Variants in EEFSEC observed in about 807,000 individuals in gnomAD.
EEFSEC encodes selenocysteine-specific elongation factor.
A neutral mutation model predicts 42.1 loss-of-function variants in EEFSEC; 43 were observed. The observed-to-expected ratio is 1.02, with a 90% CI of 0.80 to 1.32. The LOEUF (loss-of-function observed/expected upper bound fraction) is 1.32, where lower values mean the gene tolerates loss of function less well. Ranked by LOEUF, EEFSEC falls within the 40% of genes most tolerant of loss-of-function variation. The pLI is 0.00. For synonymous variants in EEFSEC, 354 were observed against 339.1 expected (o/e 1.04, Z -0.48); for missense variants, 745 against 803.6 (o/e 0.93, Z 0.88).
At chr3:128,193,301 G>C (rs2065546755) in intron 1 of EEFSEC, among the ~76,000 whole-genome samples, 1 of 152,208 alleles carries the variant, frequency 6.6e-6, no homozygotes, top group South Asian at 2.1e-4. Context: ...CTCCAGACCA[G>C]CCTCCAAGGG....
intron 6 of EEFSEC, among the ~76,000 whole-genome samples, chr3:128,392,250 A>G (rs1277550830): frequency 6.6e-6 from 1 of 152,192 alleles, no homozygotes; most frequent in African/African-American, 2.4e-5. Context: ...GACATTGCAG[A>G]TGCAGGTTCT....
chr3:128,207,566 T>TACACACACACACACACAC (rs10574435), intron 1 of EEFSEC, among the ~76,000 whole-genome samples: 2 of 142,490 alleles, frequency 1.4e-5, no homozygotes, highest in African/African-American at 5.3e-5. Context: ...ACACATTGCA[T>TACACACACACACACACAC]ACACACACAC....
chr3:128,264,750 T>TCGGTGA lies in EEFSEC; in HGVS notation c.757_762dup (p.Gly253_Asp254dup), dbSNP rs769621965. On this transcript the variant is annotated inframe_insertion, in exon 4 of 7. Coordinates refer to ENST00000254730, the MANE Select transcript of EEFSEC (RefSeq NM_021937.5). ...ACCATCCTTTCAGGCTCCATCAGCCTCGGTGACAGTGTGGAGATCCCTGCC... is the reference window on the plus strand; with the variant it reads ...ACCATCCTTTCAGGCTCCATCAGCCTCGGTGACGGTGACAGTGTGGAGATCCCTGCC... The TCGGTGA allele has an allele frequency of 6.2e-7, 1 of 1,614,112 alleles. No individual in the cohort carries two copies.
At chr3:128,244,471 C>CTTT (rs34606977) in intron 1 of EEFSEC, among the ~76,000 whole-genome samples, 2 of 134,516 alleles carry the variant, frequency 1.5e-5, no homozygotes, top group African/African-American at 2.8e-5. Context: ...ATTGGGGAGT[C>CTTT]TTTTTTTTTT....
chr3:128,202,949 T>G (rs1482455903), intron 1 of EEFSEC, among the ~76,000 whole-genome samples: 1 of 152,202 alleles, frequency 6.6e-6, no homozygotes, highest in African/African-American at 2.4e-5. Flanking sequence ...GTGTGGGGAA[T>G]TATACTGATT....
At chr3:128,423,895 C>A in the EEFSEC span, among the ~76,000 whole-genome samples, 1 of 152,258 alleles carries the variant, frequency 6.6e-6, no homozygotes, top group Non-Finnish European at 1.5e-5. Context: ...TGCCCTGCAG[C>A]CAATGCCTGG....
At chr3:128,290,841 G>A (rs1368858546) in intron 4 of EEFSEC, among the ~76,000 whole-genome samples, 1 of 152,110 alleles carries the variant, frequency 6.6e-6, no homozygotes, top group Non-Finnish European at 1.5e-5. Context: ...TACCTCCCAG[G>A]TTTAAGCAAT....
At chr3:128,238,114 AG>A (rs2066032108) in intron 1 of EEFSEC, among the ~76,000 whole-genome samples, 2 of 152,176 alleles carry the variant, frequency 1.3e-5, no homozygotes, top group Admixed American at 6.5e-5. Context: ...CTCCTCTTCC[AG>A]GGGATAGTGG....
intron 1 of EEFSEC, among the ~76,000 whole-genome samples, chr3:128,210,275 C>T (rs2065742936): frequency 1.3e-5 from 2 of 152,164 alleles, no homozygotes; most frequent in Admixed American, 6.5e-5. Flanking sequence ...CATAGCAGCT[C>T]AGACTGAGGT....
At chr3:128,309,008 G>T (rs1038514079) in intron 4 of EEFSEC, among the ~76,000 whole-genome samples, 3 of 152,260 alleles carry the variant, frequency 2.0e-5, no homozygotes, top group South Asian at 4.1e-4. Flanking sequence ...CTATGGTTGA[G>T]AACCTACTGG....
At position 128,322,093 on chromosome 3, in the gene EEFSEC, C is replaced by T. The variant is rs373821716; in HGVS notation, c.787-19140C>T. On this transcript the variant is annotated intron_variant, in intron 4 of 6. Transcript: ENST00000254730. ...CTTTGCCTTTCCCCAGGCTGGTACC[C>T]CTCTATAGCAGGAGCAGTTTCCCCA... Among the ~76,000 whole-genome samples, 147 of 152,346 alleles carry T rather than the reference C, an allele frequency of 9.6e-4. 2 individuals carry two copies. The South Asian group carries it at 0.028, about 29-fold the overall frequency.
chr3:128,420,125 G>C, the EEFSEC span, among the ~76,000 whole-genome samples: 3 of 152,080 alleles, frequency 2.0e-5, no homozygotes, highest in Non-Finnish European at 4.4e-5. Flanking sequence ...AGTAGAGGGG[G>C]AGAAACAAAG....
intron 4 of EEFSEC, among the ~76,000 whole-genome samples, chr3:128,320,886 C>T (rs1194241455): frequency 2.0e-5 from 3 of 152,206 alleles, no homozygotes; most frequent in Non-Finnish European, 2.9e-5. Context: ...GACTAGTGGC[C>T]TCTGGCTAGT....
At chr3:128,302,288 T>C (rs1463735678) in intron 4 of EEFSEC, among the ~76,000 whole-genome samples, 1 of 152,194 alleles carries the variant, frequency 6.6e-6, no homozygotes, top group Non-Finnish European at 1.5e-5. Flanking sequence ...ATAATATTAG[T>C]GTGCATTTTG....
intron 1 of EEFSEC, among the ~76,000 whole-genome samples, chr3:128,191,338 G>A (rs1035276967): frequency 6.6e-6 from 1 of 151,966 alleles, no homozygotes; most frequent in Admixed American, 6.6e-5. Flanking sequence ...TCTTGCCCAG[G>A]CTGGAGTGTG....
At chr3:128,386,928 A>G (rs890074680) in intron 6 of EEFSEC, among the ~76,000 whole-genome samples, 1 of 152,222 alleles carries the variant, frequency 6.6e-6, no homozygotes, top group African/African-American at 2.4e-5. Flanking sequence ...ACATTTCAAC[A>G]TGATATTTTG....
rs1170852154 is a variant in EEFSEC, at chr3:128,264,621, T to C, written c.626T>C (p.Leu209Pro). Residue 209 changes from leucine to proline, a missense_variant, in exon 4 of 7, where the codon CTG becomes CCG. By Grantham distance (98) the Leu-to-Pro change is moderately conservative (BLOSUM62 -3). Transcript: ENST00000254730. Reference protein sequence around the residue: ...PQGIPELIELLTSQISIPTRD... With the variant: ...PQGIPELIELPTSQISIPTRD... ...GCACCAGTTTCTCTTTTCTAGCTCC[T>C]GACGTCCCAGATTTCCATCCCAACG... The C allele has an allele frequency of 6.2e-7, 1 of 1,613,832 alleles. No homozygotes were observed. The highest frequency in any genetic ancestry group is 8.5e-7 in the Non-Finnish European group (1 of 1,179,830).
At chr3:128,264,574 G>T in intron 3 of EEFSEC, 43 bp from the exon 4 acceptor site, 1 of 1,600,242 alleles carries the variant, frequency 6.2e-7, no homozygotes. Context: ...GCCCCATCTG[G>T]CTCCTCTCCC....
intron 4 of EEFSEC, among the ~76,000 whole-genome samples, chr3:128,323,408 C>T (rs1343640395): frequency 6.6e-6 from 1 of 152,174 alleles, no homozygotes; most frequent in Non-Finnish European, 1.5e-5. Context: ...GTGGTGGAGC[C>T]CATGCCATTC....
Sources: gnomAD v4.1 joint callset for allele counts (sites outside exome capture counted in the v4.1 genomes callset) on GRCh38, gnomAD v4.1.1 for gene constraint, MANE v1.5 for transcripts, NCBI Gene and HGNC (gene_info 2026-07-23, HGNC 2026-07-21) for gene names.